The following LRMDA variants were observed in gnomAD, a reference collection of about 807,000 sequenced individuals.
LRMDA encodes leucine rich melanocyte differentiation associated.
A neutral mutation model predicts 29.8 loss-of-function variants in LRMDA; 18 were observed. The observed-to-expected ratio is 0.60, with a 90% CI of 0.42 to 0.90. The LOEUF is 0.90. LRMDA is among the 40% of genes least tolerant of loss of function. The probability of loss-of-function intolerance (pLI) is 0.00; values close to 1 mark genes in which losing one functional copy is unlikely to be tolerated. For missense variants in LRMDA, 273 were observed against 273.9 expected (o/e 1.00, Z 0.02); for synonymous variants, 125 against 109.4 (o/e 1.14, Z -0.89).
At chr10:76,528,764 T>C (rs930462755) in intron 6 of LRMDA, among the ~76,000 whole-genome samples, 4 of 152,170 alleles carry the variant, frequency 2.6e-5, no homozygotes, top group African/African-American at 9.6e-5. Context: ...ATAGCTGTTA[T>C]GATATCACTA....
chr10:75,739,979 G>C (rs2132208213), intron 2 of LRMDA, among the ~76,000 whole-genome samples: 1 of 152,284 alleles, frequency 6.6e-6, no homozygotes, highest in Admixed American at 6.5e-5. Flanking sequence ...TGGTGTCACT[G>C]TTTGTTGAAA....
Position 75,501,516 on chromosome 10 carries a change from C to T in LRMDA, c.131+63022C>T, listed in dbSNP as rs147639208. Reference sequence around the variant, plus strand: ...CAGGTGGTGTGGGCCTGTTTATAGACGTGGAATGAGGTCATCTTGTGAATG... The same window carrying T: ...CAGGTGGTGTGGGCCTGTTTATAGATGTGGAATGAGGTCATCTTGTGAATG... On this transcript the variant is annotated intron_variant, in intron 2 of 6. Coordinates refer to ENST00000611255, the MANE Select transcript of LRMDA (RefSeq NM_001305581.2). Among the ~76,000 whole-genome samples the T allele has an allele frequency of 3.1e-3, 479 of 152,234 alleles. 3 individuals carry two copies. Among genetic ancestry groups the T allele is most frequent in the African/African-American group, 0.01 (426 of 41,538 alleles).
At chr10:76,534,044 T>C (rs1843265563) in intron 6 of LRMDA, among the ~76,000 whole-genome samples, 1 of 152,188 alleles carries the variant, frequency 6.6e-6, no homozygotes, top group Admixed American at 6.5e-5. Context: ...GACACTGTGA[T>C]AGATCCTGTG....
At chr10:76,143,791 G>A (rs1410377204) in intron 5 of LRMDA, among the ~76,000 whole-genome samples, 3 of 152,174 alleles carry the variant, frequency 2.0e-5, no homozygotes, top group Admixed American at 1.3e-4. Flanking sequence ...GAATGGTATT[G>A]CCTAGGTTTT....
At chr10:75,669,702 C>A (rs2132141903) in intron 2 of LRMDA, among the ~76,000 whole-genome samples, 1 of 152,264 alleles carries the variant, frequency 6.6e-6, no homozygotes, top group South Asian at 2.1e-4. Context: ...TTGGCTTTAA[C>A]CTTCAAAGAC....
chr10:76,226,158 C>T (rs1851953454), intron 5 of LRMDA, among the ~76,000 whole-genome samples: 1 of 152,062 alleles, frequency 6.6e-6, no homozygotes, highest in South Asian at 2.1e-4. Flanking sequence ...TTAATTGACT[C>T]ACAGTTCCAG....
chr10:76,247,325 T>C (rs190584728), intron 5 of LRMDA, among the ~76,000 whole-genome samples: 250 of 152,304 alleles, frequency 1.6e-3, no homozygotes, highest in Middle Eastern at 6.8e-3. Flanking sequence ...TCTTGGGGTT[T>C]CTCAGAATTT....
intron 2 of LRMDA, among the ~76,000 whole-genome samples, chr10:75,623,003 C>A (rs1315430717): frequency 6.6e-6 from 1 of 152,128 alleles, no homozygotes; most frequent in Non-Finnish European, 1.5e-5. Flanking sequence ...CGTAATTTTA[C>A]CAACAATGCT....
intron 6 of LRMDA, among the ~76,000 whole-genome samples, chr10:76,488,170 T>C (rs1163370119): frequency 6.6e-6 from 1 of 151,752 alleles, no homozygotes; most frequent in African/African-American, 2.4e-5. Flanking sequence ...AAGAAAAAAA[T>C]TATCTGTTTT....
intron 2 of LRMDA, among the ~76,000 whole-genome samples, chr10:75,987,725 G>C (rs1314183122): frequency 6.6e-6 from 1 of 152,180 alleles, no homozygotes; most frequent in Non-Finnish European, 1.5e-5. Flanking sequence ...GTTGGTAAGA[G>C]AATGAGCTTT....
At chr10:75,483,849 A>T (rs1589156550) in intron 2 of LRMDA, among the ~76,000 whole-genome samples, 6 of 123,412 alleles carry the variant, frequency 4.9e-5, no homozygotes, top group South Asian at 2.6e-4. Context: ...CTGTAATTGC[A>T]TTGGCTAGTA....
chr10:76,206,872 T>G (rs1851546567), intron 5 of LRMDA, among the ~76,000 whole-genome samples: 2 of 152,168 alleles, frequency 1.3e-5, no homozygotes, highest in South Asian at 4.2e-4. Flanking sequence ...CCTATCTCCT[T>G]AAAGAGTCAG....
chr10:76,013,541 G>A (rs753543726), intron 2 of LRMDA, among the ~76,000 whole-genome samples: 9 of 151,988 alleles, frequency 5.9e-5, no homozygotes, highest in Non-Finnish European at 1.2e-4. Flanking sequence ...AGAAAGTGAG[G>A]GCCTTTGGTT....
intron 5 of LRMDA, among the ~76,000 whole-genome samples, chr10:76,304,959 G>C (rs1840533645): frequency 6.6e-6 from 1 of 152,188 alleles, no homozygotes; most frequent in African/African-American, 2.4e-5. Context: ...TCTAGGAAAT[G>C]GATGGTGCTC....
intron 6 of LRMDA, among the ~76,000 whole-genome samples, chr10:76,394,815 C>T (rs1033749393): frequency 3.3e-5 from 5 of 152,124 alleles, no homozygotes; most frequent in African/African-American, 1.2e-4. Flanking sequence ...TGAGAATGTG[C>T]CCAGGCATGC....
At chr10:76,229,397 G>A (rs1159322035) in intron 5 of LRMDA, among the ~76,000 whole-genome samples, 1 of 152,160 alleles carries the variant, frequency 6.6e-6, no homozygotes, top group African/African-American at 2.4e-5. Context: ...GAGAAGAATG[G>A]GCATCAAGAA....
At chr10:76,243,900 A>T (rs1365425484) in intron 5 of LRMDA, among the ~76,000 whole-genome samples, 2 of 152,180 alleles carry the variant, frequency 1.3e-5, no homozygotes, top group African/African-American at 4.8e-5. Flanking sequence ...GTAGCTAAGG[A>T]TCTCAAGAAA....
intron 5 of LRMDA, among the ~76,000 whole-genome samples, chr10:76,157,092 T>C (rs941988407): frequency 1.3e-5 from 2 of 152,120 alleles, no homozygotes; most frequent in Non-Finnish European, 2.9e-5. Flanking sequence ...AAATCCTACA[T>C]GGGGAAGACT....
At chr10:76,548,450 CA>C (rs11340326) in intron 6 of LRMDA, among the ~76,000 whole-genome samples, 82,425 of 137,690 alleles carry the variant, frequency 0.6, 24,434 homozygotes, top group Non-Finnish European at 0.71. Flanking sequence ...TGGCTTGGAC[CA>C]AAAAAAAAAA....
Sources: gnomAD v4.1 joint callset for allele counts (sites outside exome capture counted in the v4.1 genomes callset) on GRCh38, gnomAD v4.1.1 for gene constraint, MANE v1.5 for transcripts, NCBI Gene and HGNC (gene_info 2026-07-23, HGNC 2026-07-21) for gene names.